Variants in LDAH observed in about 807,000 individuals in gnomAD.
LDAH encodes lipid droplet-associated hydrolase.
A neutral mutation model predicts 29.6 loss-of-function variants in LDAH; 26 were observed. That is an observed-to-expected ratio of 0.88 (90% CI 0.64 to 1.22). LDAH has a LOEUF of 1.22. Ranked by LOEUF, LDAH falls within the 50% of genes most tolerant of loss-of-function variation. The pLI, the probability that LDAH is intolerant of heterozygous loss-of-function variation, is 0.00. For missense variants in LDAH, 344 were observed against 387.3 expected, an observed-to-expected ratio of 0.89 and a Z score of 0.94; for synonymous variants, 117 against 133.0, an observed-to-expected ratio of 0.88 and a Z score of 0.83.
intron 1 of LDAH, among the ~76,000 whole-genome samples, chr2:20,801,974 GTGTA>G (rs1305413706): frequency 7.4e-5 from 11 of 149,486 alleles, no homozygotes; most frequent in South Asian, 2.1e-4. Context: ...GTGTGTGTGT[GTGTA>G]TGTATGAATA....
intron 4 of LDAH, among the ~76,000 whole-genome samples, chr2:20,742,269 T>C (rs1389471002): frequency 6.6e-6 from 1 of 152,248 alleles, no homozygotes; most frequent in African/African-American, 2.4e-5. Flanking sequence ...ATGTGTATTC[T>C]GCTCTTGTTG....
At chr2:20,811,404 A>G (rs1672485733) in intron 1 of LDAH, among the ~76,000 whole-genome samples, 1 of 152,100 alleles carries the variant, frequency 6.6e-6, no homozygotes, top group African/African-American at 2.4e-5. Context: ...CCTTCCTCAG[A>G]ACAGTTTGGG....
intron 4 of LDAH, among the ~76,000 whole-genome samples, chr2:20,767,643 C>A (rs893639038): frequency 1.3e-5 from 2 of 152,160 alleles, no homozygotes; most frequent in Admixed American, 1.3e-4. Context: ...CCGGTGAGGC[C>A]CCACCTGCAG....
At chr2:20,773,999 A>G (rs1456015656) in intron 4 of LDAH, among the ~76,000 whole-genome samples, 2 of 152,176 alleles carry the variant, frequency 1.3e-5, no homozygotes, top group African/African-American at 2.4e-5. Context: ...AGGCTCTCCT[A>G]CTTCAAAGAC....
intron 1 of LDAH, among the ~76,000 whole-genome samples, chr2:20,807,908 C>A (rs997818566): frequency 1.4e-5 from 2 of 143,224 alleles, no homozygotes. Flanking sequence ...TGATTATTCA[C>A]AAACATGATG....
intron 3 of LDAH, 149 bp downstream of exon 3, chr2:20,790,105 TA>T: frequency 1.4e-6 from 1 of 725,224 alleles, no homozygotes; most frequent in Non-Finnish European, 2.3e-6. Context: ...AAAATGTCTC[TA>T]AAAATCCTAA....
chr2:20,704,872 T>G (rs1199754187), intron 5 of LDAH, among the ~76,000 whole-genome samples: 1 of 152,180 alleles, frequency 6.6e-6, no homozygotes, highest in Admixed American at 6.5e-5. Context: ...TACAAACACA[T>G]CCAATAATTC....
chr2:20,817,614 A>T (rs1322731331), intron 1 of LDAH, among the ~76,000 whole-genome samples: 4 of 152,176 alleles, frequency 2.6e-5, no homozygotes, highest in Non-Finnish European at 5.9e-5. Flanking sequence ...AGAAGTATTA[A>T]TTCACTAAAC....
chr2:20,693,014 C>A lies in LDAH; in HGVS notation c.787-5920G>T, dbSNP rs76304932. On this transcript the variant is annotated intron_variant, in intron 6 of 6. Transcript: ENST00000237822. ...AGTACAGTGTTAAGACTGTACAGGT[C>A]CCTGAGCCATATCCACCTGGACTGG... 2.0e-3 allele frequency among the ~76,000 whole-genome samples: 306 copies of A among 152,280 alleles called. 1 individual carries two copies. In the East Asian group the frequency reaches 0.027, roughly 13 times the overall value.
intron 5 of LDAH, among the ~76,000 whole-genome samples, chr2:20,715,489 C>T (rs1318407280): frequency 6.6e-6 from 1 of 152,200 alleles, no homozygotes. Flanking sequence ...GATGCCCTAT[C>T]TCACCACACC....
At chr2:20,742,718 C>T (rs1229562004) in intron 4 of LDAH, among the ~76,000 whole-genome samples, 3 of 151,700 alleles carry the variant, frequency 2.0e-5, no homozygotes, top group Non-Finnish European at 4.4e-5. Context: ...TTGTAAACAA[C>T]ATACAGTTGA....
intron 5 of LDAH, among the ~76,000 whole-genome samples, chr2:20,725,868 T>C (rs1665978538): frequency 6.6e-6 from 1 of 152,072 alleles, no homozygotes; most frequent in African/African-American, 2.4e-5. Context: ...GACGTGACCA[T>C]GAGATGATGA....
chr2:20,707,673 A>G (rs1197460955), intron 5 of LDAH, among the ~76,000 whole-genome samples: 1 of 152,208 alleles, frequency 6.6e-6, no homozygotes, highest in Non-Finnish European at 1.5e-5. Context: ...AGCTGGGTGA[A>G]GGAATCATCT....
intron 3 of LDAH, chr2:20,789,204 C>T (rs1187664502): frequency 6.4e-7 from 1 of 1,550,426 alleles, no homozygotes; most frequent in Non-Finnish European, 8.7e-7. Flanking sequence ...AAACCCTATG[C>T]CCAAATGCTA....
chr2:20,767,498 G>A, intron 4 of LDAH, among the ~76,000 whole-genome samples: 1 of 152,250 alleles, frequency 6.6e-6, no homozygotes, highest in East Asian at 1.9e-4. Context: ...GTGCTGACAA[G>A]CATGAGGGGA....
intron 2 of LDAH, among the ~76,000 whole-genome samples, chr2:20,793,667 T>TA (rs1671114871): frequency 6.6e-6 from 1 of 152,178 alleles, no homozygotes; most frequent in Admixed American, 6.5e-5. Flanking sequence ...TGAGCAGGGT[T>TA]AAGGCATAAT....
chr2:20,758,348 T>C (rs1668469059), intron 4 of LDAH, among the ~76,000 whole-genome samples: 1 of 152,146 alleles, frequency 6.6e-6, no homozygotes, highest in African/African-American at 2.4e-5. Flanking sequence ...GAATTAGTAA[T>C]TATAACAATA....
At chr2:20,815,769 A>T (rs185674237) in intron 1 of LDAH, among the ~76,000 whole-genome samples, 1 of 152,052 alleles carries the variant, frequency 6.6e-6, no homozygotes, top group African/African-American at 2.4e-5. Flanking sequence ...AGGTTCTCCT[A>T]AAAAAAAGTT....
chr2:20,730,256 A>C (rs1474500551), intron 5 of LDAH, among the ~76,000 whole-genome samples: 1 of 152,178 alleles, frequency 6.6e-6, no homozygotes, highest in African/African-American at 2.4e-5. Flanking sequence ...GCTATTATGA[A>C]TAAAACTACA....
Sources: allele counts gnomAD v4.1 joint callset (sites outside exome capture counted in the v4.1 genomes callset), GRCh38; gene constraint gnomAD v4.1.1; transcripts MANE v1.5; gene names NCBI Gene and HGNC (gene_info 2026-07-23, HGNC 2026-07-21).